RPL24: variants seen among roughly 807,000 people sequenced by gnomAD.
RPL24 encodes the protein large ribosomal subunit protein eL24.
RPL24 carries 7 observed loss-of-function variants against 26.4 expected under a neutral mutation model. The observed-to-expected ratio is 0.27, with a 90% CI of 0.15 to 0.50. The LOEUF (loss-of-function observed/expected upper bound fraction) is 0.50, where lower values mean the gene tolerates loss of function less well. RPL24 is among the 20% of genes least tolerant of loss of function. The probability of loss-of-function intolerance (pLI) is 0.98; values close to 1 mark genes in which losing one functional copy is unlikely to be tolerated. For missense variants in RPL24, 109 were observed against 194.9 expected (o/e 0.56, Z 2.62); for synonymous variants, 67 against 65.2 (o/e 1.03, Z -0.13).
chr3:101,681,604 G>C (rs890830085), intron 5 of RPL24: 8 of 165,952 alleles, frequency 4.8e-5, no homozygotes, highest in African/African-American at 1.7e-4. Context: ...CCAACACTTC[G>C]GGGTGCTAAA....
intron 5 of RPL24, chr3:101,682,146 G>C: frequency 2.9e-6 from 1 of 345,592 alleles, no homozygotes; most frequent in Non-Finnish European, 5.4e-6. Flanking sequence ...GAGGTCAAGA[G>C]TTCAAGACCA....
At chr3:101,682,559 T>G (rs1937277194) in intron 4 of RPL24, 67 bp from the exon 5 acceptor site, 1 of 1,351,794 alleles carries the variant, frequency 7.4e-7, no homozygotes, top group East Asian at 2.3e-5. Flanking sequence ...ATTATTAGAG[T>G]TAGACTGTAC....
chr3:101,686,205 T>C (rs1937339908), intron 2 of RPL24: 1 of 577,388 alleles, frequency 1.7e-6, no homozygotes, highest in African/African-American at 1.9e-5. Flanking sequence ...CTCTTGTCCG[T>C]CCCAGGATTC....
chr3:101,686,586 G>A (rs1162636082), intron 1 of RPL24, 29 bp from the exon 2 acceptor site: 1 of 1,614,118 alleles, frequency 6.2e-7, no homozygotes, highest in East Asian at 2.2e-5. Context: ...GTCCATCAGG[G>A]AGGGTGTCTA....
Position 101,682,692 on chromosome 3 carries a change from T to C in RPL24, c.329+79A>G, listed in dbSNP as rs1486482020. 4 of 1,395,928 alleles carry C rather than the reference T, an allele frequency of 2.9e-6. No individual in the cohort carries two copies. The African/African-American group carries it at 4.3e-5, about 15-fold the overall frequency. The allele number at this position is 1,395,928 out of a possible 1,614,324, so 86.5% of individuals were successfully genotyped here. On this transcript the variant is annotated intron_variant, in intron 4 of 5. Transcript: ENST00000394077. Reference sequence around the variant, plus strand: ...TCAGCTTAACATATATTAATCTATATGGTAACTTTAATTACTGAAGACCCA... The same window carrying C: ...TCAGCTTAACATATATTAATCTATACGGTAACTTTAATTACTGAAGACCCA...
intron 3 of RPL24, among the ~76,000 whole-genome samples, chr3:101,683,693 T>C (rs529983860): frequency 1.3e-5 from 2 of 151,508 alleles, no homozygotes; most frequent in Non-Finnish European, 2.9e-5. Flanking sequence ...TTTTAACCTT[T>C]TGGTTTTTCT....
chr3:101,683,210 T>G (rs1937284073), intron 3 of RPL24, among the ~76,000 whole-genome samples: 1 of 152,092 alleles, frequency 6.6e-6, no homozygotes, highest in African/African-American at 2.4e-5. Context: ...AATAATTTAC[T>G]TATTGAAAAA....
chr3:101,684,975 T>C (rs536247782), intron 3 of RPL24, among the ~76,000 whole-genome samples: 3 of 151,772 alleles, frequency 2.0e-5, no homozygotes, highest in Non-Finnish European at 4.4e-5. Context: ...CAAGCCCGGA[T>C]TTGCTATGAC....
intron 3 of RPL24, among the ~76,000 whole-genome samples, chr3:101,684,447 C>G (rs1468086648): frequency 6.6e-6 from 1 of 152,052 alleles, no homozygotes; most frequent in Admixed American, 6.6e-5. Flanking sequence ...GGATTACAGG[C>G]ATGTAAGCCA....
chr3:101,682,169 T>G, intron 5 of RPL24: 1 of 395,158 alleles, frequency 2.5e-6, no homozygotes, highest in Non-Finnish European at 4.7e-6. Context: ...CTGTCCGACA[T>G]GGTGAAACCC....
At chr3:101,682,957 T>A (rs772509190) in intron 3 of RPL24, 50 bp from the exon 4 acceptor site, 6 of 1,551,144 alleles carry the variant, frequency 3.9e-6, no homozygotes, top group Non-Finnish European at 4.4e-6. Flanking sequence ...TTCAAGAATT[T>A]AGAGGGAGGA....
intron 3 of RPL24, among the ~76,000 whole-genome samples, chr3:101,685,092 A>G (rs1297299546): frequency 6.6e-6 from 1 of 152,022 alleles, no homozygotes; most frequent in Non-Finnish European, 1.5e-5. Context: ...GAAAACACCA[A>G]ATGATTTTTC....
chr3:101,682,743 A>G, intron 4 of RPL24, 28 bp downstream of exon 4: 1 of 1,607,314 alleles, frequency 6.2e-7, no homozygotes, highest in Non-Finnish European at 8.5e-7. Flanking sequence ...CGAATAGGTA[A>G]AATGCTCATA....
intron 3 of RPL24, among the ~76,000 whole-genome samples, chr3:101,684,604 A>C (rs1937307394): frequency 6.6e-6 from 1 of 151,896 alleles, no homozygotes; most frequent in Admixed American, 6.6e-5. Flanking sequence ...CATCGCAAAG[A>C]TTTCTGTCTC....
intron 3 of RPL24, among the ~76,000 whole-genome samples, chr3:101,684,400 C>T (rs546699189): frequency 6.6e-6 from 1 of 150,690 alleles, no homozygotes; most frequent in Non-Finnish European, 1.5e-5. Context: ...GAACTCCTGA[C>T]CTGGTGATCC....
chr3:101,682,941 C>A (rs1332448175), intron 3 of RPL24, 34 bp from the exon 4 acceptor site: 1 of 1,587,774 alleles, frequency 6.3e-7, no homozygotes, highest in East Asian at 2.3e-5. Context: ...CACTTAGGAA[C>A]CTTCCTTCAA....
At chr3:101,684,075 A>T (rs1305827110) in intron 3 of RPL24, among the ~76,000 whole-genome samples, 1 of 151,022 alleles carries the variant, frequency 6.6e-6, no homozygotes, top group Non-Finnish European at 1.5e-5. Flanking sequence ...TTGGTTTCAA[A>T]CTCCTGGGCT....
chr3:101,682,701 T>A (rs531071206), intron 4 of RPL24, 70 bp downstream of exon 4: 20 of 1,467,562 alleles, frequency 1.4e-5, no homozygotes, highest in Non-Finnish European at 1.8e-5. Context: ...ATGGTAACTT[T>A]AATTACTGAA....
intron 5 of RPL24, chr3:101,682,074 G>A (rs565448737): frequency 6.3e-5 from 12 of 190,252 alleles, no homozygotes; most frequent in East Asian, 2.8e-4. Context: ...TTTTCCAGCC[G>A]GGCTCAGTGG....
Sources: allele counts gnomAD v4.1 joint callset (sites outside exome capture counted in the v4.1 genomes callset), GRCh38; gene constraint gnomAD v4.1.1; transcripts MANE v1.5; gene names NCBI Gene and HGNC (gene_info 2026-07-23, HGNC 2026-07-21).